Variants in LRP1B observed in about 807,000 individuals in gnomAD.
The protein encoded by LRP1B is low-density lipoprotein receptor-related protein 1B.
Under a neutral mutation model 556.6 loss-of-function variants are expected in LRP1B, and 217 were observed. That is an observed-to-expected ratio of 0.39 (90% CI 0.35 to 0.44). The LOEUF is 0.44. Ranked by LOEUF, LRP1B falls within the 20% of genes least tolerant of loss-of-function variation. LRP1B has a pLI of 1.00. For synonymous variants in LRP1B, 2,047 were observed against 1,865.8 expected (o/e 1.10, Z -2.50); for missense variants, 5,053 against 5,620.8 (o/e 0.90, Z 3.23).
chr2:141,666,225 A>G (rs1690426702), intron 2 of LRP1B, among the ~76,000 whole-genome samples: 1 of 152,170 alleles, frequency 6.6e-6, no homozygotes, highest in Non-Finnish European at 1.5e-5. Flanking sequence ...AAATAGACTG[A>G]CTTCTTAGAC....
chr2:141,834,541 A>C (rs1697207535), intron 1 of LRP1B, among the ~76,000 whole-genome samples: 1 of 151,938 alleles, frequency 6.6e-6, no homozygotes, highest in African/African-American at 2.4e-5. Flanking sequence ...TAGGGTAAAT[A>C]AAATTTCAGT....
At chr2:140,707,065 A>G (rs1686864711) in intron 37 of LRP1B, among the ~76,000 whole-genome samples, 1 of 152,156 alleles carries the variant, frequency 6.6e-6, no homozygotes, top group African/African-American at 2.4e-5. Context: ...AAGCAAGACT[A>G]GTTGGCATTA....
chr2:141,975,461 T>C (rs558994108), intron 1 of LRP1B, among the ~76,000 whole-genome samples: 4 of 152,098 alleles, frequency 2.6e-5, no homozygotes, highest in African/African-American at 9.6e-5. Flanking sequence ...GCAGGCGCTA[T>C]CCCAGGCAAA....
At chr2:141,771,650 T>A (rs1016468410) in intron 2 of LRP1B, among the ~76,000 whole-genome samples, 2 of 152,190 alleles carry the variant, frequency 1.3e-5, no homozygotes, top group Non-Finnish European at 2.9e-5. Context: ...TTGTGTCCCC[T>A]CAACAGTCAT....
chr2:140,236,160 T>C (rs1680689076), intron 89 of LRP1B, among the ~76,000 whole-genome samples: 1 of 150,924 alleles, frequency 6.6e-6, no homozygotes, highest in Non-Finnish European at 1.5e-5. Context: ...GTGAAAAGAT[T>C]GATTTTCATA....
chr2:141,009,477 T>A (rs1426686354), intron 14 of LRP1B, among the ~76,000 whole-genome samples: 1 of 151,956 alleles, frequency 6.6e-6, no homozygotes, highest in African/African-American at 2.4e-5. Context: ...TATGTAAGTG[T>A]GTGTGTGTAA....
chr2:141,917,950 G>T (rs1011157207), intron 1 of LRP1B, among the ~76,000 whole-genome samples: 7 of 151,988 alleles, frequency 4.6e-5, no homozygotes, highest in Non-Finnish European at 1.0e-4. Context: ...TGGGAGAATT[G>T]TTGAGTAAAA....
intron 1 of LRP1B, among the ~76,000 whole-genome samples, chr2:142,050,175 C>T (rs906742160): frequency 6.6e-6 from 1 of 152,078 alleles, no homozygotes; most frequent in South Asian, 2.1e-4. Flanking sequence ...TAGGTATACA[C>T]ACACAGAGAG....
At chr2:140,969,918 G>A (rs768690374) in intron 18 of LRP1B, among the ~76,000 whole-genome samples, 1 of 152,086 alleles carries the variant, frequency 6.6e-6, no homozygotes, top group Non-Finnish European at 1.5e-5. Flanking sequence ...TTCCCTTTGT[G>A]GGTAAAACCC....
chr2:141,164,061 C>A (rs953859375), intron 7 of LRP1B, among the ~76,000 whole-genome samples: 11 of 152,028 alleles, frequency 7.2e-5, no homozygotes, highest in African/African-American at 2.4e-4. Flanking sequence ...GAATTCAATT[C>A]TGGTTGTTAC....
intron 41 of LRP1B, among the ~76,000 whole-genome samples, chr2:140,661,355 A>G: frequency 6.6e-6 from 1 of 152,024 alleles, no homozygotes; most frequent in East Asian, 1.9e-4. Context: ...ATGGGTCCAC[A>G]GAGAAAGTTA....
intron 2 of LRP1B, among the ~76,000 whole-genome samples, chr2:141,509,513 A>G (rs1329466541): frequency 6.6e-6 from 1 of 152,160 alleles, no homozygotes; most frequent in African/African-American, 2.4e-5. Flanking sequence ...TCTTCTTTTA[A>G]AAATCTGAAT....
At chr2:140,773,025 G>T (rs1334535331) in intron 33 of LRP1B, among the ~76,000 whole-genome samples, 3 of 152,042 alleles carry the variant, frequency 2.0e-5, no homozygotes, top group Admixed American at 6.6e-5. Flanking sequence ...TTGAACCCTG[G>T]AGACAGAGGC....
chr2:141,573,313 T>C (rs575538590), intron 2 of LRP1B, among the ~76,000 whole-genome samples: 1 of 152,226 alleles, frequency 6.6e-6, no homozygotes, highest in East Asian at 1.9e-4. Flanking sequence ...CACAGTTACA[T>C]GGAAATTGAA....
chr2:140,588,921 C>CT (rs1682103354), intron 43 of LRP1B, among the ~76,000 whole-genome samples: 1 of 142,068 alleles, frequency 7.0e-6, no homozygotes, highest in Non-Finnish European at 1.5e-5. Flanking sequence ...GACTGCACCA[C>CT]GCACTCCATC....
At chr2:140,349,454 C>T (rs13012031) in intron 77 of LRP1B, among the ~76,000 whole-genome samples, 14,852 of 151,550 alleles carry the variant, frequency 0.098, 776 homozygotes, top group Middle Eastern at 0.14. Flanking sequence ...TCCTATGTAC[C>T]TAGAAAGTTA....
At chr2:141,170,075 AC>A (rs1253432878) in intron 7 of LRP1B, among the ~76,000 whole-genome samples, 1 of 152,068 alleles carries the variant, frequency 6.6e-6, no homozygotes, top group Non-Finnish European at 1.5e-5. Context: ...GACTAAGTTA[AC>A]CCAATGATCC....
chr2:141,669,507 C>G (rs1380297708), intron 2 of LRP1B, among the ~76,000 whole-genome samples: 1 of 152,110 alleles, frequency 6.6e-6, no homozygotes, highest in Non-Finnish European at 1.5e-5. Flanking sequence ...TGCCTCTAGG[C>G]AGGGAAGGTG....
chr2:140,467,529 C>T (rs2105337314), intron 60 of LRP1B, among the ~76,000 whole-genome samples: 1 of 148,914 alleles, frequency 6.7e-6, no homozygotes, highest in South Asian at 2.1e-4. Context: ...AGGAGAATTG[C>T]TTGGACCCAG....
Sources: gnomAD v4.1 joint callset for allele counts (sites outside exome capture counted in the v4.1 genomes callset) on GRCh38, gnomAD v4.1.1 for gene constraint, MANE v1.5 for transcripts, NCBI Gene and HGNC (gene_info 2026-07-23, HGNC 2026-07-21) for gene names.